The following BRCA1 variants were observed in gnomAD, a reference collection of about 807,000 sequenced individuals.
BRCA1 encodes breast cancer type 1 susceptibility protein.
Under a neutral mutation model 173.7 loss-of-function variants are expected in BRCA1, and 140 were observed. That is an observed-to-expected ratio of 0.81 (90% CI 0.70 to 0.93). BRCA1 has a LOEUF of 0.93. BRCA1 is among the 40% of genes least tolerant of loss of function. The pLI is 0.00. For missense variants in BRCA1, 1,983 were observed against 2,172.5 expected, an observed-to-expected ratio of 0.91 and a Z score of 1.73; for synonymous variants, 662 against 756.0, an observed-to-expected ratio of 0.88 and a Z score of 2.04.
At chr17:43,128,463 C>G (rs1245869470), upstream of BRCA1, among the ~76,000 whole-genome samples, 1 of 152,120 alleles carries the variant, frequency 6.6e-6, no homozygotes, top group African/African-American at 2.4e-5. Flanking sequence ...CGTGAGGGTC[C>G]GCAACTTCAT....
chr17:43,082,637 A>T (rs1389781390), intron 11 of BRCA1, 62 bp from the exon 12 acceptor site: 3 of 1,547,508 alleles, frequency 1.9e-6, no homozygotes, highest in Admixed American at 3.4e-5. Context: ...CCATTAAATG[A>T]AAATATATCA....
Position 43,104,058 on chromosome 17 carries a change from AAAAAAAAAAAAG to A in BRCA1, c.441+52_441+63del, listed in dbSNP as rs536390258. Reference sequence around the variant, plus strand: ...GGGCCACAGAGCAAGACTCCATCTCAAAAAAAAAAAAGAAAAAAAAAAGAAAAGAAGAAGAAG... The same window carrying A: ...GGGCCACAGAGCAAGACTCCATCTCAAAAAAAAAAAGAAAAGAAGAAGAAG... On this transcript the variant is annotated intron_variant, in intron 6 of 22. Coordinates refer to ENST00000357654, the MANE Select transcript of BRCA1 (RefSeq NM_007294.4). 9.5e-4 allele frequency: 663 copies of A among 699,006 alleles called. 2 individuals are homozygous for A. The African/African-American group carries it at 0.013, about 14-fold the overall frequency. The allele number at this position is 699,006 out of a possible 1,614,324, so 43.3% of individuals were successfully genotyped here. A position where few individuals can be genotyped will look rare whatever the true frequency, so the allele number is the denominator to read the frequency against.
chr17:43,079,709 GCA>G lies in BRCA1; in HGVS notation c.4357+2693_4357+2694del, dbSNP rs1215582673. ...GCACCAGCCTGCTCCACCCAGAGAA[GCA>G]CACTTTGTGAGAACCAATGGGAAGG... On this transcript the variant is annotated intron_variant, in intron 12 of 22. Coordinates refer to ENST00000357654, the MANE Select transcript of BRCA1 (RefSeq NM_007294.4). 1.6e-5 allele frequency: 22 copies of G among 1,352,126 alleles called. 1 individual carries two copies. Among genetic ancestry groups the G allele is most frequent in the Non-Finnish European group, 2.1e-5 (20 of 943,604 alleles). 83.8% of individuals were successfully genotyped at this position (1,352,126 alleles called of 1,614,324 possible). A position where few individuals can be genotyped will look rare whatever the true frequency, so the allele number is the denominator to read the frequency against.
intron 11 of BRCA1, 127 bp from the exon 12 acceptor site, chr17:43,082,702 C>G: frequency 1.0e-6 from 1 of 985,048 alleles, no homozygotes; most frequent in Non-Finnish European, 1.5e-6. Flanking sequence ...ACTACAAGTT[C>G]TAGCTGAACA....
intron 1 of BRCA1, among the ~76,000 whole-genome samples, chr17:43,151,694 A>G (rs1026104840): frequency 3.9e-5 from 6 of 152,286 alleles, no homozygotes; most frequent in African/African-American, 1.2e-4. Context: ...GTTTGAAACT[A>G]GTCTGGTCAA....
upstream of BRCA1, among the ~76,000 whole-genome samples, chr17:43,128,945 A>C (rs1777323257): frequency 6.6e-6 from 1 of 151,826 alleles, no homozygotes; most frequent in Non-Finnish European, 1.5e-5. Flanking sequence ...GGCATGAGCC[A>C]CCACTCCCGG....
At position 43,092,990 on chromosome 17, in the gene BRCA1, C is replaced by T. The variant is rs80357195; in HGVS notation, c.2541G>A (p.Met847Ile). The stretch of plus-strand genomic sequence containing the variant: ...ACTGAGCATCAAGTTCACTTTCTTC[C>T]ATTTCTATGCTTGTTTCCCGACTGT... ...VNHSRETSIE[M>I]EESELDAQYL... The change falls in exon 10 of 23, where the codon ATG (methionine) becomes ATA (isoleucine). Residue 847 changes from methionine to isoleucine, a missense_variant. Coordinates refer to ENST00000357654, the MANE Select transcript of BRCA1 (RefSeq NM_007294.4). 2 of 1,613,446 alleles carry T rather than the reference C, an allele frequency of 1.2e-6. No individual in the cohort carries two copies. Among genetic ancestry groups the T allele is most frequent in the Non-Finnish European group, 1.7e-6 (2 of 1,179,558 alleles).
rs2154382857 is a variant in BRCA1, at chr17:43,093,195, G to A, written c.2336C>T (p.Thr779Ile). The A allele has an allele frequency of 6.2e-7, 1 of 1,613,788 alleles. No homozygotes were observed. Among genetic ancestry groups the A allele is most frequent in the East Asian group, 2.2e-5 (1 of 44,874 alleles). ...TTCCAGTAACGAGATACTTTCCTGA[G>A]TGCCATAATCAGTACCAGGTACCAA... ...ISLVPGTDYGTQESISLLEVS... is the reference protein window; with the variant it reads ...ISLVPGTDYGIQESISLLEVS... Residue 779 changes from threonine to isoleucine, a missense_variant, in exon 10 of 23, where the codon ACT becomes ATT. Thr to Ile is a moderately conservative substitution (Grantham distance 89). Transcript: ENST00000357654.
intron 1 of BRCA1, 123 bp from the exon 2 acceptor site, chr17:43,124,238 C>T: frequency 1.6e-6 from 1 of 626,904 alleles, no homozygotes; most frequent in Admixed American, 3.1e-5. Flanking sequence ...ATAATACAAA[C>T]CAAAGAACTA....
At chr17:43,136,949 A>G (rs1163818504) in intron 1 of BRCA1, among the ~76,000 whole-genome samples, 1 of 152,222 alleles carries the variant, frequency 6.6e-6, no homozygotes, top group African/African-American at 2.4e-5. Flanking sequence ...CCAAAGGATT[A>G]TAAATCATGC....
intron 1 of BRCA1, among the ~76,000 whole-genome samples, chr17:43,145,868 T>C (rs1236757797): frequency 6.6e-6 from 1 of 152,014 alleles, no homozygotes; most frequent in Non-Finnish European, 1.5e-5. Context: ...TAGATGGGGG[T>C]TAGTTTTTAT....
At position 43,137,435 on chromosome 17, in the gene BRCA1, A is replaced by T. The variant is rs1241587744; in HGVS notation, c.-19-13320T>A. On this transcript the variant is annotated intron_variant, in intron 1 of 7. Coordinates refer to the BRCA1 transcript ENST00000634433. ...AGACCTTAAAGTATAATAATAATTAAAAAAAAAAAAAGAATAAAAGAGGTC... is the reference window on the plus strand; with the variant it reads ...AGACCTTAAAGTATAATAATAATTATAAAAAAAAAAAGAATAAAAGAGGTC... Among the ~76,000 whole-genome samples the T allele has an allele frequency of 3.4e-5, 5 of 145,758 alleles. No individual in the cohort carries two copies. In the East Asian group the frequency reaches 1.0e-3, roughly 29 times the overall value.
intron 9 of BRCA1, 55 bp downstream of exon 9, chr17:43,095,791 T>C (rs2154513078): frequency 7.2e-7 from 1 of 1,393,166 alleles, no homozygotes; most frequent in Non-Finnish European, 1.0e-6. Flanking sequence ...ATTACAGTAC[T>C]GTATCTACCC....
chr17:43,082,031 C>A (rs1385209669), intron 12 of BRCA1, among the ~76,000 whole-genome samples: 2 of 152,196 alleles, frequency 1.3e-5, no homozygotes, highest in Non-Finnish European at 2.9e-5. Flanking sequence ...TGATGTGACA[C>A]CAGTGTTATA....
intron 2 of BRCA1, among the ~76,000 whole-genome samples, chr17:43,118,250 G>A (rs532892884): frequency 6.6e-6 from 1 of 152,304 alleles, no homozygotes; most frequent in South Asian, 2.1e-4. Context: ...ACATCAGATA[G>A]GTCAAGGTGC....
chr17:43,099,507 G>A (rs1407122864), intron 7 of BRCA1, among the ~76,000 whole-genome samples: 1 of 151,872 alleles, frequency 6.6e-6, no homozygotes. Context: ...CCGACCTCAG[G>A]TGATCCACCC....
rs80357000 is a variant in BRCA1 at position 43,115,767 on chromosome 17, G to T, written c.93C>A (p.Ile31=). 2 of 1,613,496 alleles carry T rather than the reference G, an allele frequency of 1.2e-6. No homozygotes were observed. The highest frequency in any genetic ancestry group is 8.5e-7 in the Non-Finnish European group (1 of 1,179,700). The part of the protein sequence containing the change: ...ILECPICLEL[I]KEPVSTKCDH... The stretch of plus-strand genomic sequence containing the variant: ...CACACTTTGTGGAGACAGGTTCCTT[G>T]ATCAACTCCAGACTAGCAGGGTAGG... Residue 31 remains isoleucine (I), a synonymous_variant, in exon 3 of 23, where the codon ATC becomes ATA. Coordinates refer to ENST00000357654, the MANE Select transcript of BRCA1 (RefSeq NM_007294.4).
upstream of BRCA1, chr17:43,125,487 C>G (rs1353221636): frequency 2.9e-6 from 1 of 347,746 alleles, no homozygotes; most frequent in Non-Finnish European, 5.7e-6. Context: ...AAGGTACAAT[C>G]AGAGGATGGG....
chr17:43,093,603 C>A lies in BRCA1; in HGVS notation c.1928G>T (p.Ser643Ile), dbSNP rs876660335. Reference protein sequence around the residue: ...PPNCTELQIDSCSSSEEIKKK... With the variant: ...PPNCTELQIDICSSSEEIKKK... ...CTTTATCTCTTCACTGCTAGAACAACTATCAATTTGCAATTCAGTACAATT... is the reference window on the plus strand; with the variant it reads ...CTTTATCTCTTCACTGCTAGAACAAATATCAATTTGCAATTCAGTACAATT... Residue 643 changes from serine (S) to isoleucine (I), a missense_variant, in exon 10 of 23, where the codon AGT becomes ATT. Coordinates refer to ENST00000357654, the MANE Select transcript of BRCA1 (RefSeq NM_007294.4). 8 of 1,614,038 alleles carry A rather than the reference C, an allele frequency of 5.0e-6. No individual in the cohort carries two copies. Among genetic ancestry groups the A allele is most frequent in the Non-Finnish European group, 5.9e-6 (7 of 1,180,012 alleles).
Sources: gnomAD v4.1 joint callset for allele counts (sites outside exome capture counted in the v4.1 genomes callset) on GRCh38, gnomAD v4.1.1 for gene constraint, MANE v1.5 for transcripts, NCBI Gene and HGNC (gene_info 2026-07-23, HGNC 2026-07-21) for gene names.